The following TMC2 variants were observed in gnomAD, a reference collection of about 807,000 sequenced individuals.
TMC2 encodes transmembrane channel-like protein 2.
A neutral mutation model predicts 105.9 loss-of-function variants in TMC2; 102 were observed. The ratio of observed to expected loss-of-function variants is 0.96; its 90% CI spans 0.82 to 1.14. TMC2 has a LOEUF of 1.14. Ranked by LOEUF, TMC2 falls within the 50% of genes most tolerant of loss-of-function variation. The probability of loss-of-function intolerance (pLI) is 0.00; values close to 1 mark genes in which losing one functional copy is unlikely to be tolerated. For missense variants in TMC2, 1,093 were observed against 1,134.3 expected, an observed-to-expected ratio of 0.96 and a Z score of 0.52; for synonymous variants, 402 against 422.8, an observed-to-expected ratio of 0.95 and a Z score of 0.60.
chr20:2,562,924 C>A (rs1471314188), intron 4 of TMC2, among the ~76,000 whole-genome samples: 7 of 151,380 alleles, frequency 4.6e-5, no homozygotes, highest in Admixed American at 4.6e-4. Context: ...CCAGCCTGGG[C>A]AACAGAGGGA....
intron 3 of TMC2, among the ~76,000 whole-genome samples, chr20:2,559,327 AT>A (rs1277573164): frequency 6.6e-6 from 1 of 152,066 alleles, no homozygotes; most frequent in Non-Finnish European, 1.5e-5. Flanking sequence ...TGGAGGTTTT[AT>A]TTGTTTTGCC....
At chr20:2,574,754 T>G (rs1033989678) in intron 5 of TMC2, among the ~76,000 whole-genome samples, 1 of 152,120 alleles carries the variant, frequency 6.6e-6, no homozygotes, top group Non-Finnish European at 1.5e-5. Flanking sequence ...TTTTGTTTTT[T>G]TTTCTCTGTC....
At chr20:2,538,649 T>C (rs932467778) in intron 2 of TMC2, among the ~76,000 whole-genome samples, 16 of 152,192 alleles carry the variant, frequency 1.1e-4, no homozygotes, top group Non-Finnish European at 1.9e-4. Flanking sequence ...AGGACTGAAA[T>C]GGAAGACCAT....
chr20:2,562,042 C>T lies in TMC2; in HGVS notation c.554+32C>T, dbSNP rs77716351. On this transcript the variant is annotated intron_variant, in intron 4 of 19. Transcript: ENST00000358864. ...AGGCTGCGGGTCAGCCAGGGCCTTC[C>T]GATGTCCACAGCTCCTTCTGATGGG... The T allele has an allele frequency of 2.5e-3, 4,046 of 1,602,424 alleles. 6 individuals carry two copies. Among genetic ancestry groups the T allele is most frequent in the Non-Finnish European group, 3.2e-3 (3,727 of 1,174,454 alleles).
intron 2 of TMC2, among the ~76,000 whole-genome samples, chr20:2,548,595 A>ATG (rs2085938516): frequency 6.6e-6 from 1 of 151,428 alleles, no homozygotes; most frequent in Admixed American, 6.6e-5. Flanking sequence ...CCAAGATAGC[A>ATG]CCATTGCACT....
chr20:2,537,240 C>T, intron 1 of TMC2, 29 bp from the exon 2 acceptor site: 1 of 1,588,098 alleles, frequency 6.3e-7, no homozygotes, highest in Non-Finnish European at 8.6e-7. Flanking sequence ...CAGAGGCCAG[C>T]CATTTGTCAG....
At chr20:2,552,276 C>A (rs2085961366) in intron 2 of TMC2, among the ~76,000 whole-genome samples, 1 of 152,088 alleles carries the variant, frequency 6.6e-6, no homozygotes, top group Non-Finnish European at 1.5e-5. Context: ...CAAACAAACA[C>A]TTTAGAATCA....
intron 18 of TMC2, 87 bp from the exon 19 acceptor site, chr20:2,637,387 C>CAGAAA: frequency 1.6e-6 from 1 of 623,340 alleles, no homozygotes; most frequent in Non-Finnish European, 2.6e-6. Context: ...GACTCTGTCT[C>CAGAAA]AAAAAAAAAA....
rs1264605378 is a variant in TMC2 at position 2,616,417 on chromosome 20, G to T, written c.1940+213G>T. Among the ~76,000 whole-genome samples, 1 of 151,692 alleles carries T rather than the reference G, an allele frequency of 6.6e-6. No individual in the cohort carries two copies. The highest frequency in any genetic ancestry group is 1.5e-5 in the Non-Finnish European group (1 of 68,016). ...GTGCTACCATAGAAGTAGAGAGAAA[G>T]GGAGAGGGGTTGGTGGAGGAGAAAA... On this transcript the variant is annotated intron_variant, in intron 15 of 19. Coordinates refer to ENST00000358864, the MANE Select transcript of TMC2 (RefSeq NM_080751.3). The surrounding 1 kb of genome is among the most constrained non-coding windows in gnomAD (Gnocchi z 4.8).
At chr20:2,632,196 A>G (rs1301891395) in intron 17 of TMC2, among the ~76,000 whole-genome samples, 2 of 151,844 alleles carry the variant, frequency 1.3e-5, no homozygotes, top group East Asian at 1.9e-4. Context: ...TAATTTGTGT[A>G]TTTTTAGTAG....
rs372145374 is a variant in TMC2, at chr20:2,636,239, G to C, written c.2385+235G>C. On this transcript the variant is annotated intron_variant, in intron 18 of 19. Transcript: ENST00000358864. ...ACTTAAATTTCAAGGGGTTACTAAAGAACAGGAGAAATTCAGTGAGTTCAG... is the reference window on the plus strand; with the variant it reads ...ACTTAAATTTCAAGGGGTTACTAAACAACAGGAGAAATTCAGTGAGTTCAG... 1.3e-4 allele frequency among the ~76,000 whole-genome samples: 20 copies of C among 152,242 alleles called. No homozygotes were observed. In the South Asian group the frequency reaches 4.1e-3, roughly 32 times the overall value.
intron 10 of TMC2, among the ~76,000 whole-genome samples, chr20:2,600,410 G>T (rs987033949): frequency 6.6e-6 from 1 of 152,204 alleles, no homozygotes; most frequent in Admixed American, 6.5e-5. Flanking sequence ...AGGCACAGTG[G>T]CTCATGCCTG....
intron 12 of TMC2, among the ~76,000 whole-genome samples, chr20:2,610,989 A>G (rs1246082566): frequency 2.6e-5 from 4 of 152,204 alleles, no homozygotes; most frequent in Non-Finnish European, 5.9e-5. Context: ...AGCACCCACA[A>G]TGGCAGGCCC....
intron 11 of TMC2, among the ~76,000 whole-genome samples, chr20:2,607,579 T>C (rs746268719): frequency 3.3e-5 from 5 of 152,194 alleles, no homozygotes; most frequent in Non-Finnish European, 5.9e-5. Context: ...ATGCTTTTCA[T>C]TGAGTACCTA....
At position 2,641,247 on chromosome 20, in the gene TMC2, A is replaced by AT; in HGVS notation, c.2618dup (p.Ser874IlefsTer154). The AT allele has an allele frequency of 6.2e-7, 1 of 1,614,086 alleles. No individual in the cohort carries two copies. The highest frequency in any genetic ancestry group is 8.5e-7 in the Non-Finnish European group (1 of 1,180,014). On this transcript the variant is annotated frameshift_variant, in exon 20 of 20. Transcript: ENST00000358864. LOFTEE classifies it low-confidence loss of function (END_TRUNC). ...ACTGCCTGCCTCTGGACACCTTCCT[A>AT]TATCTCGGCCCCCTGGAATCGGACC... is the stretch of plus-strand genomic sequence containing the variant.
At chr20:2,598,407 T>C (rs910061058) in intron 10 of TMC2, among the ~76,000 whole-genome samples, 7 of 145,398 alleles carry the variant, frequency 4.8e-5, no homozygotes, top group African/African-American at 1.9e-4. Context: ...TATTTATTTA[T>C]TTATTTATTT....
intron 6 of TMC2, 142 bp from the exon 7 acceptor site, chr20:2,579,808 T>A: frequency 1.7e-6 from 1 of 572,640 alleles, no homozygotes. Context: ...CCTCAGGTTA[T>A]TTATCCAGGA....
intron 4 of TMC2, among the ~76,000 whole-genome samples, chr20:2,564,098 G>A (rs934647889): frequency 4.6e-5 from 7 of 150,710 alleles, no homozygotes; most frequent in African/African-American, 1.5e-4. Context: ...GGTGAGTGGC[G>A]ACAGTGTGGA....
At chr20:2,544,395 G>T (rs982741272) in intron 2 of TMC2, among the ~76,000 whole-genome samples, 1 of 152,116 alleles carries the variant, frequency 6.6e-6, no homozygotes, top group African/African-American at 2.4e-5. Flanking sequence ...ATCTAAGAGT[G>T]CCCTGACTAA....
Sources: gnomAD v4.1 joint callset for allele counts (sites outside exome capture counted in the v4.1 genomes callset) on GRCh38, gnomAD v4.1.1 for gene constraint, Gnocchi (gnomAD v3.1) non-coding constraint, MANE v1.5 for transcripts, NCBI Gene and HGNC (gene_info 2026-07-23, HGNC 2026-07-21) for gene names.